Variants in LRRC36 observed in about 807,000 individuals in gnomAD.
The protein encoded by LRRC36 is leucine rich repeat containing 36.
A neutral mutation model predicts 81.1 loss-of-function variants in LRRC36; 62 were observed. The observed-to-expected ratio is 0.76, with a 90% CI of 0.62 to 0.94. The LOEUF (loss-of-function observed/expected upper bound fraction) is 0.94. Among genes scored for constraint, LRRC36 ranks in the 40% least tolerant of loss-of-function variants. LRRC36 has a pLI of 0.00. For synonymous variants in LRRC36, 334 were observed against 348.6 expected, an observed-to-expected ratio of 0.96 and a Z score of 0.47; for missense variants, 761 against 881.7, an observed-to-expected ratio of 0.86 and a Z score of 1.73.
intron 5 of LRRC36, among the ~76,000 whole-genome samples, chr16:67,355,993 C>T (rs767339196): frequency 6.6e-6 from 1 of 152,142 alleles, no homozygotes; most frequent in Non-Finnish European, 1.5e-5. Flanking sequence ...AGCCATGTGT[C>T]GGTGTGGTTT....
Position 67,385,064 on chromosome 16 carries a change from A to G in LRRC36, c.2240A>G (p.Asp747Gly). Residue 747 changes from aspartate to glycine, a missense_variant, in exon 14 of 14, where the codon GAT (aspartate) becomes GGT (glycine). Asp to Gly is a moderately conservative substitution (Grantham distance 94). Coordinates refer to ENST00000329956, the MANE Select transcript of LRRC36 (RefSeq NM_018296.6). ...CAGTATCTAATACAGAGCGTCTTGG[A>G]TGCTGCCCCAGAGCCTGGCTTATAG... ...TGQYLIQSVLDAAPEPGL is the reference protein window; with the variant it reads ...TGQYLIQSVLGAAPEPGL 6.2e-7 allele frequency: 1 copy of G among 1,613,974 alleles called. No homozygotes were observed. The highest frequency in any genetic ancestry group is 8.5e-7 in the Non-Finnish European group (1 of 1,180,000).
chr16:67,362,424 G>A (rs1479393017), intron 5 of LRRC36: 3 of 252,098 alleles, frequency 1.2e-5, no homozygotes, highest in African/African-American at 2.3e-5. Flanking sequence ...GCCTCCCAAA[G>A]TGCTGGGACT....
chr16:67,368,685 A>G (rs8047080), intron 8 of LRRC36, among the ~76,000 whole-genome samples: 33,241 of 152,124 alleles, frequency 0.22, 7,309 homozygotes, highest in African/African-American at 0.57. Context: ...AATTACTGTG[A>G]ATGTTGGGCT....
At chr16:67,374,937 C>G (rs934112100) in intron 9 of LRRC36, among the ~76,000 whole-genome samples, 2 of 151,850 alleles carry the variant, frequency 1.3e-5, no homozygotes, top group Admixed American at 6.6e-5. Context: ...GGAGACCAGC[C>G]TGGCCAATAT....
chr16:67,356,837 T>C (rs2142062716), intron 5 of LRRC36, among the ~76,000 whole-genome samples: 1 of 152,200 alleles, frequency 6.6e-6, no homozygotes, highest in South Asian at 2.1e-4. Flanking sequence ...AGGTATTCAA[T>C]GTAGAGGGAA....
At chr16:67,348,941 C>T (rs1443047963) in intron 4 of LRRC36, among the ~76,000 whole-genome samples, 1 of 152,166 alleles carries the variant, frequency 6.6e-6, no homozygotes, top group Non-Finnish European at 1.5e-5. Context: ...TTTTTTAGTG[C>T]AGCCTTCAGT....
At chr16:67,352,996 A>G (rs1248629890) in intron 5 of LRRC36, among the ~76,000 whole-genome samples, 1 of 151,964 alleles carries the variant, frequency 6.6e-6, no homozygotes, top group Non-Finnish European at 1.5e-5. Context: ...CTGTTTATTT[A>G]TTTATATTTA....
rs1567496472 is a variant in LRRC36, at chr16:67,371,016, G to C, written c.1268G>C (p.Ser423Thr). The change falls in exon 9 of 14, where the codon AGC becomes ACC. Residue 423 changes from serine to threonine, a missense_variant. Physicochemically the swap from Ser to Thr is moderately conservative, Grantham distance 58. Transcript: ENST00000329956. Reference sequence around the variant, plus strand: ...AATGTAGAGCAACAATTATCTACCAGCCTGGATGATTTAACACCAGCACAT... The same window carrying C: ...AATGTAGAGCAACAATTATCTACCACCCTGGATGATTTAACACCAGCACAT... ...LVNVEQQLST[S>T]LDDLTPAHGS... is the part of the protein sequence containing the mutation. 1.9e-6 allele frequency: 3 copies of C among 1,613,982 alleles called. No homozygotes were observed. The highest frequency in any genetic ancestry group is 2.5e-6 in the Non-Finnish European group (3 of 1,180,020).
chr16:67,360,859 C>T (rs1416647297), intron 5 of LRRC36, among the ~76,000 whole-genome samples: 1 of 152,030 alleles, frequency 6.6e-6, no homozygotes, highest in Admixed American at 6.6e-5. Context: ...TGACAAAGGC[C>T]CAAATTCTTG....
intron 5 of LRRC36, chr16:67,362,296 G>A (rs1207622423): frequency 2.4e-6 from 1 of 409,514 alleles, no homozygotes; most frequent in Non-Finnish European, 4.8e-6. Context: ...GCGAGCAGCT[G>A]GGATTACAGG....
In LRRC36 at chr16:67,341,055, A is replaced by ATTATATATAG. The variant is rs2038040170; in HGVS notation, c.71-902_71-901insTTATATATAG. ...ACATATTCTATAGAATATGTACTCT[A>ATTATATATAG]CATATTCTATAGAATATGTACTCTA... On this transcript the variant is annotated intron_variant, in intron 1 of 13. Coordinates refer to ENST00000329956, the MANE Select transcript of LRRC36 (RefSeq NM_018296.6). Among the ~76,000 whole-genome samples, 12 of 118,052 alleles carry ATTATATATAG rather than the reference A, an allele frequency of 1.0e-4. 3 individuals carry two copies. The highest frequency in any genetic ancestry group is 4.3e-4 in the African/African-American group (12 of 28,112). The allele number at this position is 118,052 out of a possible 152,430, so 77.4% of individuals were successfully genotyped here.
intron 1 of LRRC36, among the ~76,000 whole-genome samples, chr16:67,328,116 G>T (rs1273765901): frequency 1.3e-5 from 2 of 151,972 alleles, no homozygotes; most frequent in East Asian, 3.9e-4. Flanking sequence ...AGAGCATGTC[G>T]GTAGTCTAAT....
chr16:67,381,230 GAAAAAAAA>G (rs1179228134), intron 12 of LRRC36, among the ~76,000 whole-genome samples: 275 of 41,112 alleles, frequency 6.7e-3, no homozygotes, highest in Non-Finnish European at 0.012. Context: ...CTCTGCCTCA[GAAAAAAAA>G]AAAAAAAAAA....
At chr16:67,363,446 C>T (rs2039249400) in intron 5 of LRRC36, 144 bp from the exon 6 acceptor site, 2 of 681,672 alleles carry the variant, frequency 2.9e-6, no homozygotes. Context: ...AAGTGATTTG[C>T]TCAAATTCAT....
chr16:67,346,914 G>C (rs575647944), intron 3 of LRRC36, among the ~76,000 whole-genome samples: 31 of 151,952 alleles, frequency 2.0e-4, no homozygotes, highest in African/African-American at 7.2e-4. Flanking sequence ...TCACTCTGTT[G>C]CCCAGGCTGG....
chr16:67,368,797 G>A (rs1016991427), intron 8 of LRRC36, among the ~76,000 whole-genome samples: 3 of 152,122 alleles, frequency 2.0e-5, no homozygotes, highest in Admixed American at 1.3e-4. Flanking sequence ...GACAGATAGC[G>A]GTGGAGGTGG....
chr16:67,346,020 G>C (rs2038328965), intron 2 of LRRC36, among the ~76,000 whole-genome samples: 1 of 152,142 alleles, frequency 6.6e-6, no homozygotes, highest in Admixed American at 6.5e-5. Context: ...GTCAGATTTT[G>C]TAAAGAAGGA....
At chr16:67,349,910 G>A (rs920333040) in intron 4 of LRRC36, among the ~76,000 whole-genome samples, 5 of 152,020 alleles carry the variant, frequency 3.3e-5, no homozygotes, top group African/African-American at 9.7e-5. Flanking sequence ...ACAGGCACCC[G>A]CCACCACACG....
At chr16:67,328,898 T>G (rs1012463474) in intron 1 of LRRC36, among the ~76,000 whole-genome samples, 2 of 151,680 alleles carry the variant, frequency 1.3e-5, no homozygotes, top group South Asian at 2.1e-4. Context: ...TTCAGTAGTA[T>G]TTTATTTATT....
Sources: gnomAD v4.1 joint callset for allele counts (sites outside exome capture counted in the v4.1 genomes callset) on GRCh38, gnomAD v4.1.1 for gene constraint, MANE v1.5 for transcripts, NCBI Gene and HGNC (gene_info 2026-07-23, HGNC 2026-07-21) for gene names.